The following GTF2H3 variants were observed in gnomAD, a reference collection of about 807,000 sequenced individuals.
GTF2H3 encodes TFIIH basal transcription factor complex p34 subunit.
In GTF2H3, 42 loss-of-function variants were observed where a neutral mutation model predicts 51.1. The observed-to-expected ratio is 0.82, with a 90% CI of 0.64 to 1.06. The LOEUF (loss-of-function observed/expected upper bound fraction) is 1.06, where lower values mean the gene tolerates loss of function less well. GTF2H3 is among the 50% of genes least tolerant of loss of function. The pLI, the probability that GTF2H3 is intolerant of heterozygous loss-of-function variation, is 0.00. For synonymous variants in GTF2H3, 123 were observed against 123.8 expected (o/e 0.99, Z 0.04); for missense variants, 326 against 366.1 (o/e 0.89, Z 0.89).
At chr12:123,633,914 C>G (rs1473942068) in intron 1 of GTF2H3, 42 bp downstream of exon 1, 1 of 1,608,006 alleles carries the variant, frequency 6.2e-7, no homozygotes, top group Non-Finnish European at 8.5e-7. Context: ...CGGGGCTCGG[C>G]TGTCTCGGTC....
chr12:123,659,954 CT>C, intron 11 of GTF2H3, 24 bp downstream of exon 11: 2 of 1,605,834 alleles, frequency 1.2e-6, no homozygotes, highest in African/African-American at 1.3e-5. Context: ...CCTAGTTTTT[CT>C]TTTTTTTCTA....
At chr12:123,636,912 C>T (rs546853610) in intron 1 of GTF2H3, among the ~76,000 whole-genome samples, 6 of 151,302 alleles carry the variant, frequency 4.0e-5, no homozygotes, top group East Asian at 2.0e-4. Flanking sequence ...AGCAAAACTC[C>T]GTCTCAAAAA....
At chr12:123,636,926 A>G (rs1279473813) in intron 1 of GTF2H3, among the ~76,000 whole-genome samples, 1 of 152,102 alleles carries the variant, frequency 6.6e-6, no homozygotes, top group Non-Finnish European at 1.5e-5. Flanking sequence ...TCAAAAAAAA[A>G]AAATAATAAT....
chr12:123,644,246 G>A (rs1023754444), intron 2 of GTF2H3, among the ~76,000 whole-genome samples: 2 of 152,100 alleles, frequency 1.3e-5, no homozygotes, highest in Admixed American at 6.6e-5. Context: ...TTTGTTACTA[G>A]AGAAGTTTCT....
At position 123,659,942 on chromosome 12, in the gene GTF2H3, T is replaced by C. The variant is rs781741206; in HGVS notation, c.820+12T>C. On this transcript the variant is annotated intron_variant, in intron 11 of 12. Transcript: ENST00000543341. ...TGTGTGTTTGTCAAGTAAGTTAATG[T>C]ACCTAGTTTTTCTTTTTTTTCTATG... The C allele has an allele frequency of 6.2e-7, 1 of 1,608,484 alleles. No individual in the cohort carries two copies. The highest frequency in any genetic ancestry group is 2.2e-5 in the East Asian group (1 of 44,872).
intron 4 of GTF2H3, among the ~76,000 whole-genome samples, chr12:123,648,724 C>T (rs1955482362): frequency 6.6e-6 from 1 of 152,228 alleles, no homozygotes; most frequent in East Asian, 1.9e-4. Context: ...TTAACTCCTG[C>T]TCACATCCGA....
rs761478422 is a variant in GTF2H3 at position 123,660,021 on chromosome 12, GTTTC to G, written c.821-21_821-18del. ...TGTGTTGTTTTTCAGCCACCCTATT[GTTTC>G]TTTTTTTTTTTAATTTACAGTATTC... is the stretch of plus-strand genomic sequence containing the variant. On this transcript the variant is annotated intron_variant, in intron 11 of 12. Transcript: ENST00000543341. 8 of 1,584,626 alleles carry G rather than the reference GTTTC, an allele frequency of 5.0e-6. No individual in the cohort carries two copies. The East Asian group carries it at 9.0e-5, about 18-fold the overall frequency.
intron 3 of GTF2H3, among the ~76,000 whole-genome samples, chr12:123,646,755 A>ATTCTG (rs1955451435): frequency 6.6e-6 from 1 of 152,112 alleles, no homozygotes; most frequent in Non-Finnish European, 1.5e-5. Flanking sequence ...ATTGGATGAA[A>ATTCTG]AGATGATATT....
intron 10 of GTF2H3, 67 bp from the exon 11 acceptor site, chr12:123,659,728 G>A: frequency 1.3e-6 from 2 of 1,540,514 alleles, no homozygotes; most frequent in Non-Finnish European, 1.8e-6. Context: ...GGCCTAGAAG[G>A]GTGGGCTTCA....
intron 1 of GTF2H3, among the ~76,000 whole-genome samples, chr12:123,636,777 C>T (rs1259659819): frequency 1.5e-4 from 23 of 152,076 alleles, no homozygotes; most frequent in Admixed American, 1.4e-3. Context: ...ATTAGCTGGG[C>T]GTGGTGGTGC....
At chr12:123,653,822 A>C (rs551906191) in intron 7 of GTF2H3, among the ~76,000 whole-genome samples, 1 of 152,044 alleles carries the variant, frequency 6.6e-6, no homozygotes, top group African/African-American at 2.4e-5. Context: ...CATTTTGGTA[A>C]TCTGTGTCAA....
intron 8 of GTF2H3, 192 bp from the exon 9 acceptor site, chr12:123,655,579 G>T: frequency 2.1e-6 from 1 of 487,606 alleles, no homozygotes; most frequent in Non-Finnish European, 3.7e-6. Context: ...TTTCTCACCC[G>T]CTGGCTCTGT....
At chr12:123,642,745 C>T (rs898021599) in intron 2 of GTF2H3, among the ~76,000 whole-genome samples, 2 of 152,164 alleles carry the variant, frequency 1.3e-5, no homozygotes, top group South Asian at 2.1e-4. Context: ...AATCTGATAA[C>T]GCAGTGTTAT....
chr12:123,658,964 C>T (rs1241097523), intron 9 of GTF2H3, among the ~76,000 whole-genome samples: 1 of 152,192 alleles, frequency 6.6e-6, no homozygotes, highest in Non-Finnish European at 1.5e-5. Context: ...TGCTTAATAT[C>T]ATTACCGACC....
intron 12 of GTF2H3, 28 bp downstream of exon 12, chr12:123,660,110 G>A (rs1955639210): frequency 1.2e-6 from 2 of 1,608,160 alleles, no homozygotes; most frequent in Non-Finnish European, 1.7e-6. Flanking sequence ...TGTGTGGGTG[G>A]CTAATACTTC....
At chr12:123,652,828 A>G (rs1955535785) in intron 7 of GTF2H3, 93 bp downstream of exon 7, 3 of 1,237,826 alleles carry the variant, frequency 2.4e-6, no homozygotes. Flanking sequence ...CTGTTATCCC[A>G]GCACTTTGGG....
At chr12:123,659,256 A>G (rs1334567331) in intron 9 of GTF2H3, 4 of 411,186 alleles carry the variant, frequency 9.7e-6, no homozygotes, top group Non-Finnish European at 1.8e-5. Context: ...AATCCCAGTT[A>G]CTGGGGAAGC....
intron 4 of GTF2H3, chr12:123,649,772 G>A (rs1955497104): frequency 6.6e-6 from 1 of 152,192 alleles, no homozygotes; most frequent in Non-Finnish European, 1.5e-5. Flanking sequence ...GGGCCCAAAT[G>A]ATCTTTTAGG....
At chr12:123,659,008 T>A (rs1394201515) in intron 9 of GTF2H3, among the ~76,000 whole-genome samples, 2 of 152,210 alleles carry the variant, frequency 1.3e-5, no homozygotes, top group African/African-American at 2.4e-5. Context: ...AATGAGCTAT[T>A]ACTTCACTCC....
Sources: allele counts gnomAD v4.1 joint callset (sites outside exome capture counted in the v4.1 genomes callset), GRCh38; gene constraint gnomAD v4.1.1; transcripts MANE v1.5; gene names NCBI Gene and HGNC (gene_info 2026-07-23, HGNC 2026-07-21).